KLHL7: variants seen among roughly 807,000 people sequenced by gnomAD.
The protein encoded by KLHL7 is kelch like family member 7, also known as kelch-like protein 7.
In KLHL7, 44 loss-of-function variants were observed where a neutral mutation model predicts 67.4. That is an observed-to-expected ratio of 0.65 (90% CI 0.51 to 0.84). KLHL7 has a LOEUF of 0.84. Among genes scored for constraint, KLHL7 ranks in the 40% least tolerant of loss-of-function variants. The probability of loss-of-function intolerance (pLI) is 0.00; values close to 1 mark genes in which losing one functional copy is unlikely to be tolerated. For missense variants in KLHL7, 362 were observed against 718.1 expected (o/e 0.50, Z 5.67); for synonymous variants, 252 against 243.3 (o/e 1.04, Z -0.33).
chr7:23,142,775 G>GATT (rs1489412285), intron 5 of KLHL7, among the ~76,000 whole-genome samples: 1 of 151,704 alleles, frequency 6.6e-6, no homozygotes, highest in African/African-American at 2.4e-5. Flanking sequence ...CAAAAACAAG[G>GATT]AAAGGCTGAA....
At position 23,174,134 on chromosome 7, in the gene KLHL7, T is replaced by C. The variant is rs144156217; in HGVS notation, c.1597T>C (p.Leu533=). 1.4e-5 allele frequency: 23 copies of C among 1,614,220 alleles called. No individual in the cohort carries two copies. In the East Asian group the frequency reaches 5.1e-4, roughly 36 times the overall value. The stretch of plus-strand genomic sequence containing the variant: ...AGCAGTTGGCTCTATAGTTTATGTC[T>C]TGGCTGGTTTTCAGGGTGTTGGTCG... ...CAAVGSIVYV[L]AGFQGVGRLG... The change falls in exon 11 of 11, where the codon TTG becomes CTG. Residue 533 remains leucine, a synonymous_variant. Transcript: ENST00000339077.
chr7:23,175,630 A>G lies in KLHL7; in HGVS notation c.*1332A>G, dbSNP rs1031181597. On this transcript the variant is annotated 3_prime_UTR_variant, in exon 11 of 11. Transcript: ENST00000339077. Reference sequence around the variant, plus strand: ...GGTTTTTTAATGTACAGCTTTATTGAGATATAATTCACATACCATACAATT... The same window carrying G: ...GGTTTTTTAATGTACAGCTTTATTGGGATATAATTCACATACCATACAATT... The G allele has an allele frequency of 6.9e-6, 2 of 290,114 alleles. No homozygotes were observed. Among genetic ancestry groups the G allele is most frequent in the Non-Finnish European group, 1.3e-5 (2 of 151,768 alleles). 18.0% of individuals were successfully genotyped at this position (290,114 alleles called of 1,614,324 possible).
At chr7:23,124,584 TC>T (rs774791469) in intron 2 of KLHL7, 103 bp from the exon 3 acceptor site, 30 of 750,648 alleles carry the variant, frequency 4.0e-5, no homozygotes, top group Non-Finnish European at 6.6e-5. Flanking sequence ...GAGAGAACTG[TC>T]CCGTTATTTT....
At chr7:23,140,655 C>A (rs960088194) in intron 4 of KLHL7, 114 bp from the exon 5 acceptor site, 13 of 826,008 alleles carry the variant, frequency 1.6e-5, no homozygotes, top group Non-Finnish European at 2.4e-5. Context: ...AGAAACGGAT[C>A]CAGATTTATG....
intron 1 of KLHL7, chr7:23,106,429 A>G: frequency 7.8e-7 from 1 of 1,276,936 alleles, no homozygotes; most frequent in Non-Finnish European, 1.0e-6. Flanking sequence ...GTTGTGTAAC[A>G]GCTCTGCCCT....
chr7:23,169,042 C>T (rs894580682), intron 9 of KLHL7, among the ~76,000 whole-genome samples: 2 of 152,118 alleles, frequency 1.3e-5, no homozygotes, highest in African/African-American at 4.8e-5. Flanking sequence ...AGGCAGATCA[C>T]TTGAGGTCAG....
intron 1 of KLHL7, among the ~76,000 whole-genome samples, chr7:23,117,022 A>T (rs956837852): frequency 2.7e-5 from 4 of 148,086 alleles, no homozygotes; most frequent in Non-Finnish European, 4.5e-5. Context: ...GAAATCCTCT[A>T]ATTTTCTCTT....
At chr7:23,147,751 T>C (rs1479832381) in intron 6 of KLHL7, among the ~76,000 whole-genome samples, 1 of 152,212 alleles carries the variant, frequency 6.6e-6, no homozygotes, top group Non-Finnish European at 1.5e-5. Context: ...ACTTTGAGTT[T>C]TCTTTGGCTT....
intron 4 of KLHL7, among the ~76,000 whole-genome samples, chr7:23,139,367 C>G (rs1333903826): frequency 1.3e-5 from 2 of 152,162 alleles, no homozygotes; most frequent in African/African-American, 4.8e-5. Context: ...TAGGAGAAAA[C>G]TGAGTACATA....
chr7:23,162,421 G>A (rs1784878234), intron 7 of KLHL7, among the ~76,000 whole-genome samples: 1 of 152,124 alleles, frequency 6.6e-6, no homozygotes, highest in African/African-American at 2.4e-5. Flanking sequence ...ATTTGGTTAG[G>A]GATGCATCCT....
In KLHL7 at chr7:23,175,028, CCTCA is replaced by C. The variant is rs1337940192; in HGVS notation, c.*733_*736del. The C allele has an allele frequency of 6.6e-6, 3 of 452,160 alleles. No homozygotes were observed. The highest frequency in any genetic ancestry group is 1.3e-5 in the Non-Finnish European group (3 of 225,836). The allele number at this position is 452,160 out of a possible 1,614,324, so 28.0% of individuals were successfully genotyped here. On this transcript the variant is annotated 3_prime_UTR_variant, in exon 11 of 11. Transcript: ENST00000339077. ...TAAAAAAGGATTCTGCCTCTTTAGT[CCTCA>C]CTGTTAAATAAAACCCAATCATAGT...
chr7:23,128,524 A>G (rs1783672196), intron 4 of KLHL7, among the ~76,000 whole-genome samples: 1 of 151,906 alleles, frequency 6.6e-6, no homozygotes, highest in Non-Finnish European at 1.5e-5. Context: ...CCTCCCTCAG[A>G]TATATTCTAG....
Position 23,143,844 on chromosome 7 carries a change from C to T in KLHL7, c.619-7C>T. The T allele has an allele frequency of 6.2e-7, 1 of 1,613,856 alleles. No homozygotes were observed. Among genetic ancestry groups the T allele is most frequent in the Non-Finnish European group, 8.5e-7 (1 of 1,179,824 alleles). On this transcript the variant is annotated splice_region_variant and splice_polypyrimidine_tract_variant and intron_variant, in intron 5 of 10. Coordinates refer to ENST00000339077, the MANE Select transcript of KLHL7 (RefSeq NM_001031710.3). ...AAGAACTTTACTGTGCTGTTTTTCC[C>T]CCTTAGGTTTATGATGCTGCAGTCA... is the stretch of plus-strand genomic sequence containing the variant.
intron 8 of KLHL7, 90 bp from the exon 9 acceptor site, chr7:23,167,742 TCTTC>T: frequency 8.8e-7 from 1 of 1,134,360 alleles, no homozygotes; most frequent in Non-Finnish European, 1.3e-6. Context: ...GACCCTAAAT[TCTTC>T]CTTCCTTAAC....
chr7:23,165,571 C>A, intron 7 of KLHL7, 127 bp from the exon 8 acceptor site: 1 of 1,136,172 alleles, frequency 8.8e-7, no homozygotes, highest in Non-Finnish European at 1.3e-6. Flanking sequence ...AGTCTCAAGC[C>A]AAACATTTGT....
Position 23,177,310 on chromosome 7 carries a change from A to G in KLHL7, c.*3012A>G, listed in dbSNP as rs1244693880. 2.6e-5 allele frequency: 4 copies of G among 152,214 alleles called. No homozygotes were observed. The highest frequency in any genetic ancestry group is 5.9e-5 in the Non-Finnish European group (4 of 68,026). 9.4% of individuals were successfully genotyped at this position (152,214 alleles called of 1,614,324 possible). Reference sequence around the variant, plus strand: ...TACAATATAGCTATATAATTTGACAATCTCCTATGTAGAATATACAGTACC... The same window carrying G: ...TACAATATAGCTATATAATTTGACAGTCTCCTATGTAGAATATACAGTACC... On this transcript the variant is annotated 3_prime_UTR_variant, in exon 11 of 11. Coordinates refer to ENST00000339077, the MANE Select transcript of KLHL7 (RefSeq NM_001031710.3).
chr7:23,143,022 C>A (rs1313615584), intron 5 of KLHL7, among the ~76,000 whole-genome samples: 1 of 152,166 alleles, frequency 6.6e-6, no homozygotes. Context: ...ATCTCTGCAA[C>A]TTTTCTATAA....
intron 7 of KLHL7, among the ~76,000 whole-genome samples, chr7:23,157,005 C>T (rs544268056): frequency 6.6e-6 from 1 of 152,272 alleles, no homozygotes; most frequent in South Asian, 2.1e-4. Context: ...ATTGCAGTGC[C>T]TGTATCATAG....
At chr7:23,165,231 C>T (rs565460922) in intron 7 of KLHL7, among the ~76,000 whole-genome samples, 9 of 152,306 alleles carry the variant, frequency 5.9e-5, no homozygotes, top group Admixed American at 1.3e-4. Context: ...AAAATACCTT[C>T]TGGCTTTAGA....
Sources: gnomAD v4.1 joint callset for allele counts (sites outside exome capture counted in the v4.1 genomes callset) on GRCh38, gnomAD v4.1.1 for gene constraint, MANE v1.5 for transcripts, NCBI Gene and HGNC (gene_info 2026-07-23, HGNC 2026-07-21) for gene names.